SLC25A18: variants seen among roughly 807,000 people sequenced by gnomAD.
SLC25A18 encodes the protein mitochondrial glutamate carrier 2.
SLC25A18 carries 24 observed loss-of-function variants against 31.1 expected under a neutral mutation model. The observed-to-expected ratio is 0.77, with a 90% CI of 0.56 to 1.08. The LOEUF (loss-of-function observed/expected upper bound fraction) is 1.08, where lower values mean the gene tolerates loss of function less well. Ranked by LOEUF, SLC25A18 falls within the 50% of genes least tolerant of loss-of-function variation. SLC25A18 has a pLI of 0.00. For synonymous variants in SLC25A18, 173 were observed against 161.9 expected, an observed-to-expected ratio of 1.07 and a Z score of -0.52; for missense variants, 371 against 418.5, an observed-to-expected ratio of 0.89 and a Z score of 0.99.
intron 6 of SLC25A18, 69 bp from the exon 7 acceptor site, chr22:17,583,347 C>T: frequency 1.3e-6 from 2 of 1,590,518 alleles, no homozygotes; most frequent in East Asian, 2.2e-5. Context: ...CCCCCTCTCA[C>T]AAGAGGGCAG....
intron 10 of SLC25A18, 130 bp from the exon 11 acceptor site, chr22:17,589,965 G>T: frequency 7.6e-7 from 1 of 1,319,410 alleles, no homozygotes; most frequent in Non-Finnish European, 1.0e-6. Context: ...CTCCCACACC[G>T]TTGGCCTCTT....
At chr22:17,585,841 C>A (rs1433388057) in intron 7 of SLC25A18, among the ~76,000 whole-genome samples, 8 of 151,632 alleles carry the variant, frequency 5.3e-5, no homozygotes, top group African/African-American at 1.9e-4. Flanking sequence ...TTAGTAGAGA[C>A]AAGGTTTCTC....
intron 7 of SLC25A18, chr22:17,584,053 G>T (rs556848928): frequency 7.1e-6 from 7 of 984,966 alleles, no homozygotes; most frequent in Non-Finnish European, 8.4e-6. Flanking sequence ...AATACTTAAG[G>T]CTTCTGTCAC....
Position 17,577,579 on chromosome 22 carries a change from A to ATT in SLC25A18, c.-200-2148_-200-2147dup, listed in dbSNP as rs695611. 2.1e-3 allele frequency among the ~76,000 whole-genome samples: 249 copies of ATT among 118,882 alleles called. 6 individuals carry two copies. Among genetic ancestry groups the ATT allele is most frequent in the East Asian group, 8.7e-3 (29 of 3,328 alleles). The allele number at this position is 118,882 out of a possible 152,430, so 78.0% of individuals were successfully genotyped here. ...AGACAGAAACAGTTGTGTCCTGTCTATTTTTTTTTTTTTTTTTTTGAGATG... is the reference window on the plus strand; with the variant it reads ...AGACAGAAACAGTTGTGTCCTGTCTATTTTTTTTTTTTTTTTTTTTTGAGATG... On this transcript the variant is annotated intron_variant, in intron 2 of 10. Transcript: ENST00000327451.
chr22:17,578,999 A>C (rs1601305337), intron 2 of SLC25A18, among the ~76,000 whole-genome samples: 2 of 152,342 alleles, frequency 1.3e-5, no homozygotes, highest in East Asian at 3.9e-4. Context: ...CAACAAGATC[A>C]CATGAATTTC....
At position 17,579,963 on chromosome 22, in the gene SLC25A18, A is replaced by C; in HGVS notation, c.19A>C (p.Ser7Arg). Residue 7 changes from serine to arginine, a missense_variant and splice_region_variant, in exon 3 of 11, where the codon AGC becomes CGC. Physicochemically the swap from Ser to Arg is moderately radical, Grantham distance 110. Coordinates refer to ENST00000327451, the MANE Select transcript of SLC25A18 (RefSeq NM_031481.3). The stretch of plus-strand genomic sequence containing the variant: ...CTGCAGAATGACCCACCAGGATCTG[A>C]GGTGAGCTCGGCTGGGGCAGCCTGA... Reference protein sequence around the residue: MTHQDLSITAKLINGGV... With the variant: MTHQDLRITAKLINGGV... 2.5e-6 allele frequency: 4 copies of C among 1,610,830 alleles called. No homozygotes were observed. The highest frequency in any genetic ancestry group is 3.4e-6 in the Non-Finnish European group (4 of 1,179,030).
At chr22:17,587,444 G>C (rs1470835998) in intron 8 of SLC25A18, 143 bp downstream of exon 8, 4 of 1,143,732 alleles carry the variant, frequency 3.5e-6, no homozygotes, top group Non-Finnish European at 4.8e-6. Flanking sequence ...TTCCTGTTTT[G>C]TCTGGAACTG....
intron 1 of SLC25A18, among the ~76,000 whole-genome samples, chr22:17,564,035 GT>G (rs1266007479): frequency 2.0e-5 from 3 of 152,188 alleles, no homozygotes; most frequent in Non-Finnish European, 4.4e-5. Flanking sequence ...CGCTTGTTCT[GT>G]CCAGCAGTCG....
intron 2 of SLC25A18, among the ~76,000 whole-genome samples, chr22:17,576,732 G>A (rs1056846664): frequency 1.3e-5 from 2 of 152,190 alleles, no homozygotes; most frequent in Admixed American, 1.3e-4. Flanking sequence ...TCCGGGGCTG[G>A]AACTGCAGCA....
At position 17,587,935 on chromosome 22, in the gene SLC25A18, T is replaced by G; in HGVS notation, c.586T>G (p.Phe196Val). 2 of 1,614,122 alleles carry G rather than the reference T, an allele frequency of 1.2e-6. No homozygotes were observed. The highest frequency in any genetic ancestry group is 1.7e-6 in the Non-Finnish European group (2 of 1,180,010). Reference sequence around the variant, plus strand: ...CTTCCTCTTCTGCAGAGACATTCCTTTCTCCATCATCTACTTCCCACTGTT... The same window carrying G: ...CTTCCTCTTCTGCAGAGACATTCCTGTCTCCATCATCTACTTCCCACTGTT... ...LGATLLRDIP[F>V]SIIYFPLFAN... is the part of the protein sequence containing the mutation. The change falls in exon 9 of 11, where the codon TTC becomes GTC. Residue 196 changes from phenylalanine to valine, a missense_variant. Phe to Val is a conservative substitution (Grantham distance 50). Transcript: ENST00000327451.
intron 2 of SLC25A18, among the ~76,000 whole-genome samples, chr22:17,572,664 C>T (rs1354949962): frequency 9.8e-5 from 10 of 101,758 alleles, no homozygotes; most frequent in Middle Eastern, 9.1e-3. Flanking sequence ...TTTTTTGAGA[C>T]GGAGTCTCGC....
intron 3 of SLC25A18, chr22:17,580,239 G>C: frequency 2.6e-6 from 1 of 379,880 alleles, no homozygotes; most frequent in East Asian, 4.1e-5. Flanking sequence ...ATCGTCCCAA[G>C]TTTCTTCCTT....
intron 2 of SLC25A18, 89 bp downstream of exon 2, chr22:17,570,075 A>C (rs753950775): frequency 2.5e-5 from 22 of 877,754 alleles, no homozygotes; most frequent in Non-Finnish European, 2.9e-5. Context: ...GGGGAAGAGC[A>C]GCCAGTGGGA....
Position 17,581,024 on chromosome 22 carries a change from C to T in SLC25A18, c.21-13C>T, listed in dbSNP as rs370163775. 3.2e-6 allele frequency: 5 copies of T among 1,542,202 alleles called. No individual in the cohort carries two copies. The highest frequency in any genetic ancestry group is 1.2e-5 in the South Asian group (1 of 82,242). On this transcript the variant is annotated splice_polypyrimidine_tract_variant and intron_variant, in intron 3 of 10. Coordinates refer to ENST00000327451, the MANE Select transcript of SLC25A18 (RefSeq NM_031481.3). ...TCTGCCTCTCTCCTCCCCCTGTCCT[C>T]CCCCTGTCCTAGCATCACAGCCAAA...
Position 17,577,172 on chromosome 22 carries a change from A to G in SLC25A18, c.-200-2573A>G, listed in dbSNP as rs371012752. Among the ~76,000 whole-genome samples the G allele has an allele frequency of 4.4e-3, 665 of 152,126 alleles. 13 individuals carry two copies. The highest frequency in any genetic ancestry group is 0.037 in the Admixed American group (565 of 15,282). Reference sequence around the variant, plus strand: ...CAAGTAGCTGGGACGACAGGCGCCCACCACCACACCCGGCCAATTTTTTGT... The same window carrying G: ...CAAGTAGCTGGGACGACAGGCGCCCGCCACCACACCCGGCCAATTTTTTGT... On this transcript the variant is annotated intron_variant, in intron 2 of 10. Transcript: ENST00000327451.
At position 17,563,663 on chromosome 22, in the gene SLC25A18, A is replaced by T. The variant is rs1200081644; in HGVS notation, c.-314A>T. The stretch of plus-strand genomic sequence containing the variant: ...AGAGTCGAGTGAAGCCTGGCCCGTG[A>T]GTGCCTCAACAACTGAGATGAACGT... On this transcript the variant is annotated 5_prime_UTR_variant, in exon 1 of 11. Transcript: ENST00000327451. 2 of 985,268 alleles carry T rather than the reference A, an allele frequency of 2.0e-6. No homozygotes were observed. Among genetic ancestry groups the T allele is most frequent in the African/African-American group, 3.5e-5 (2 of 57,222 alleles). The allele number at this position is 985,268 out of a possible 1,614,324, so 61.0% of individuals were successfully genotyped here.
intron 2 of SLC25A18, among the ~76,000 whole-genome samples, chr22:17,573,081 C>G (rs2057141356): frequency 6.6e-6 from 1 of 152,184 alleles, no homozygotes; most frequent in African/African-American, 2.4e-5. Flanking sequence ...CCACTGCACT[C>G]TAGCCTGGGC....
chr22:17,580,987 C>T (rs1467706997), intron 3 of SLC25A18, 50 bp from the exon 4 acceptor site: 1 of 1,506,486 alleles, frequency 6.6e-7, no homozygotes, highest in Non-Finnish European at 8.9e-7. Context: ...CGCTCCCTAA[C>T]CTGCCCCTCC....
intron 2 of SLC25A18, chr22:17,570,517 C>G (rs1427847744): frequency 6.6e-6 from 1 of 152,312 alleles, no homozygotes; most frequent in East Asian, 1.9e-4. Context: ...GACAGTTTTA[C>G]TCTGTCGCCC....
Sources: allele counts gnomAD v4.1 joint callset (sites outside exome capture counted in the v4.1 genomes callset), GRCh38; gene constraint gnomAD v4.1.1; transcripts MANE v1.5; gene names NCBI Gene and HGNC (gene_info 2026-07-23, HGNC 2026-07-21).